Variants in RSRC1 observed in about 807,000 individuals in gnomAD.
RSRC1 encodes the protein arginine and serine rich coiled-coil 1.
In RSRC1, 39 loss-of-function variants were observed where a neutral mutation model predicts 49.1. That is an observed-to-expected ratio of 0.79 (90% CI 0.61 to 1.04). The LOEUF (loss-of-function observed/expected upper bound fraction) is 1.04, where lower values mean the gene tolerates loss of function less well. Among genes scored for constraint, RSRC1 ranks in the 50% least tolerant of loss-of-function variants. The probability of loss-of-function intolerance (pLI) is 0.00; values close to 1 mark genes in which losing one functional copy is unlikely to be tolerated. For synonymous variants in RSRC1, 143 were observed against 130.8 expected (o/e 1.09, Z -0.63); for missense variants, 388 against 402.4 (o/e 0.96, Z 0.31).
At chr3:158,334,456 T>G (rs1190996430) in intron 5 of RSRC1, among the ~76,000 whole-genome samples, 1 of 150,490 alleles carries the variant, frequency 6.6e-6, no homozygotes, top group East Asian at 2.0e-4. Context: ...TTTAGCTATT[T>G]TAAAAAGGTC....
At chr3:158,410,065 A>G (rs543173331) in intron 6 of RSRC1, among the ~76,000 whole-genome samples, 34 of 152,290 alleles carry the variant, frequency 2.2e-4, no homozygotes, top group South Asian at 1.4e-3. Context: ...TTCAAACAAA[A>G]TCACAGTAAA....
At chr3:158,475,510 A>C (rs952123018) in intron 7 of RSRC1, among the ~76,000 whole-genome samples, 3 of 152,156 alleles carry the variant, frequency 2.0e-5, no homozygotes, top group Non-Finnish European at 4.4e-5. Context: ...CCAAAAGTAT[A>C]TGCTCATTTC....
At chr3:158,488,889 A>G (rs886148897) in intron 7 of RSRC1, among the ~76,000 whole-genome samples, 14 of 152,294 alleles carry the variant, frequency 9.2e-5, no homozygotes, top group Non-Finnish European at 5.9e-5. Flanking sequence ...GCCTAGCTGT[A>G]ATAACTTAAA....
At chr3:158,441,534 A>G (rs1290552913) in intron 6 of RSRC1, among the ~76,000 whole-genome samples, 3 of 152,180 alleles carry the variant, frequency 2.0e-5, no homozygotes, top group Admixed American at 2.0e-4. Context: ...TGGGGTCACA[A>G]GATGTGTTAT....
At chr3:158,503,101 C>A (rs1739682276) in intron 7 of RSRC1, among the ~76,000 whole-genome samples, 1 of 152,264 alleles carries the variant, frequency 6.6e-6, no homozygotes, top group Middle Eastern at 3.4e-3. Context: ...GTACTCTCCC[C>A]CTTTTTCTAT....
chr3:158,529,539 A>G (rs1273121261), intron 7 of RSRC1, among the ~76,000 whole-genome samples: 1 of 151,876 alleles, frequency 6.6e-6, no homozygotes, highest in African/African-American at 2.4e-5. Context: ...TGATATTTAA[A>G]TGAGGTAATC....
At chr3:158,183,467 T>C (rs1469427291) in intron 3 of RSRC1, among the ~76,000 whole-genome samples, 1 of 152,086 alleles carries the variant, frequency 6.6e-6, no homozygotes, top group African/African-American at 2.4e-5. Context: ...CATTGTAAAA[T>C]TGATTTAGTT....
At chr3:158,254,578 G>A (rs1395621502) in intron 4 of RSRC1, among the ~76,000 whole-genome samples, 1 of 151,982 alleles carries the variant, frequency 6.6e-6, no homozygotes, top group Non-Finnish European at 1.5e-5. Flanking sequence ...ACTACAGGCG[G>A]CCGCCAGCAC....
At chr3:158,501,573 T>G (rs1312303482) in intron 7 of RSRC1, among the ~76,000 whole-genome samples, 1 of 152,198 alleles carries the variant, frequency 6.6e-6, no homozygotes, top group Non-Finnish European at 1.5e-5. Context: ...TATTTTCCTG[T>G]TGGACAAGGC....
At chr3:158,517,032 T>C (rs1740595346) in intron 7 of RSRC1, among the ~76,000 whole-genome samples, 1 of 152,172 alleles carries the variant, frequency 6.6e-6, no homozygotes, top group South Asian at 2.1e-4. Flanking sequence ...GTACCTCAGA[T>C]GGAAATGCAG....
intron 6 of RSRC1, among the ~76,000 whole-genome samples, chr3:158,355,906 T>TAC (rs1242972439): frequency 2.0e-5 from 3 of 151,790 alleles, no homozygotes; most frequent in African/African-American, 4.8e-5. Flanking sequence ...TGTATCTAGA[T>TAC]ACACACACAC....
chr3:158,492,653 T>A (rs933909169), intron 7 of RSRC1, among the ~76,000 whole-genome samples: 9 of 152,204 alleles, frequency 5.9e-5, no homozygotes, highest in Admixed American at 4.6e-4. Context: ...TGACTTCTGT[T>A]CTCACTCTTC....
chr3:158,133,312 T>C (rs1295166608), intron 3 of RSRC1, among the ~76,000 whole-genome samples: 2 of 152,162 alleles, frequency 1.3e-5, no homozygotes, highest in Non-Finnish European at 2.9e-5. Context: ...GTCTTGTATC[T>C]GAAAATGAGA....
At chr3:158,454,248 A>G (rs6810324) in intron 6 of RSRC1, among the ~76,000 whole-genome samples, 13,244 of 152,084 alleles carry the variant, frequency 0.087, 2,015 homozygotes, top group African/African-American at 0.31. Flanking sequence ...TCCTAACTCT[A>G]TGACCTTGAA....
In RSRC1 at chr3:158,343,687, A is replaced by G. The variant is rs566086627; in HGVS notation, c.532-11170A>G. Among the ~76,000 whole-genome samples the G allele has an allele frequency of 1.4e-4, 21 of 152,336 alleles. No homozygotes were observed. In the South Asian group the frequency reaches 4.1e-3, roughly 30 times the overall value. On this transcript the variant is annotated intron_variant, in intron 5 of 9. Transcript: ENST00000611884. ...GCTATACAGCTGAAATGAAAAATAC[A>G]CTGGATGAGATTAGGGGATATGATA...
intron 6 of RSRC1, among the ~76,000 whole-genome samples, chr3:158,378,500 T>C (rs931255317): frequency 1.3e-5 from 2 of 152,256 alleles, no homozygotes; most frequent in Admixed American, 6.5e-5. Context: ...TATTGTCTTT[T>C]GTTTTAGCAG....
intron 6 of RSRC1, among the ~76,000 whole-genome samples, chr3:158,423,606 C>G (rs543695088): frequency 0.011 from 1,659 of 152,230 alleles, 32 homozygotes; most frequent in African/African-American, 0.038. Context: ...TTTTCCAATT[C>G]TGTGAAGAAA....
chr3:158,208,942 A>G (rs1721504520), intron 4 of RSRC1, among the ~76,000 whole-genome samples: 1 of 145,834 alleles, frequency 6.9e-6, no homozygotes, highest in Admixed American at 6.7e-5. Context: ...AAACTGCCTA[A>G]CATATAGTTG....
intron 7 of RSRC1, among the ~76,000 whole-genome samples, chr3:158,461,950 T>G (rs1417144352): frequency 6.8e-6 from 1 of 147,426 alleles, no homozygotes; most frequent in African/African-American, 2.5e-5. Flanking sequence ...CAAAGTATAA[T>G]GGTTTAGAAT....
Sources: gnomAD v4.1 joint callset for allele counts (sites outside exome capture counted in the v4.1 genomes callset) on GRCh38, gnomAD v4.1.1 for gene constraint, MANE v1.5 for transcripts, NCBI Gene and HGNC (gene_info 2026-07-23, HGNC 2026-07-21) for gene names.